HIVEP1: variants seen among roughly 807,000 people sequenced by gnomAD.
HIVEP1 encodes HIVEP zinc finger 1.
A neutral mutation model predicts 180.0 loss-of-function variants in HIVEP1; 36 were observed. The ratio of observed to expected loss-of-function variants is 0.20; its 90% CI spans 0.15 to 0.26. HIVEP1 has a LOEUF of 0.26. HIVEP1 is among the 10% of genes least tolerant of loss of function. HIVEP1 has a pLI of 1.00. For missense variants in HIVEP1, 3,143 were observed against 3,268.7 expected, an observed-to-expected ratio of 0.96 and a Z score of 0.94; for synonymous variants, 1,239 against 1,239.0, an observed-to-expected ratio of 1.00 and a Z score of 0.00.
rs1773300597 is a variant in HIVEP1 at position 12,089,227 on chromosome 6, T to C, written c.84T>C (p.Val28=). The change falls in exon 3 of 9, where the codon GTT becomes GTC. Residue 28 remains valine (V), a synonymous_variant. Coordinates refer to ENST00000379388, the MANE Select transcript of HIVEP1 (RefSeq NM_002114.4). ...EAQKELNGAE[V]SKKEILQAGV... is the part of the protein sequence containing the mutation. ...AAAAAGAACTTAATGGGGCAGAAGTTTCAAAAAAAGGTAAATTAAAATCAG... is the reference window on the plus strand; with the variant it reads ...AAAAAGAACTTAATGGGGCAGAAGTCTCAAAAAAAGGTAAATTAAAATCAG... 4 of 1,565,188 alleles carry C rather than the reference T, an allele frequency of 2.6e-6. No individual in the cohort carries two copies. The African/African-American group carries it at 5.4e-5, about 21-fold the overall frequency.
chr6:12,205,560 T>G, the HIVEP1 span, among the ~76,000 whole-genome samples: 1 of 152,136 alleles, frequency 6.6e-6, no homozygotes, highest in African/African-American at 2.4e-5. Flanking sequence ...GCAAGGCTAC[T>G]ATTTTGGAAT....
At chr6:12,179,077 G>A in the HIVEP1 span, among the ~76,000 whole-genome samples, 8 of 152,250 alleles carry the variant, frequency 5.3e-5, no homozygotes, top group South Asian at 6.2e-4. Context: ...CTATGTAAAA[G>A]CACAGGAAAA....
Position 12,124,204 on chromosome 6 carries a change from C to T in HIVEP1, c.4409C>T (p.Thr1470Ile). ...GTGCCATATCAGGGGCCTCAGCTCA[C>T]TAGTACATCTTTAGCTGAGTTTTCT... ...NAVPYQGPQL[T>I]STSLAEFSAN... The change falls in exon 4 of 9, where the codon ACT becomes ATT. Residue 1470 changes from threonine to isoleucine, a missense_variant. By Grantham distance (89) the Thr-to-Ile change is moderately conservative. Coordinates refer to ENST00000379388, the MANE Select transcript of HIVEP1 (RefSeq NM_002114.4). 4.3e-6 allele frequency: 7 copies of T among 1,613,874 alleles called. No individual in the cohort carries two copies. The highest frequency in any genetic ancestry group is 5.9e-6 in the Non-Finnish European group (7 of 1,179,768).
intron 2 of HIVEP1, among the ~76,000 whole-genome samples, chr6:12,061,421 C>G (rs1263138382): frequency 1.3e-5 from 2 of 152,100 alleles, no homozygotes; most frequent in Non-Finnish European, 2.9e-5. Context: ...AAACTGTAAC[C>G]AGAAATGACT....
chr6:12,191,378 C>A, the HIVEP1 span, among the ~76,000 whole-genome samples: 3 of 152,098 alleles, frequency 2.0e-5, no homozygotes, highest in Non-Finnish European at 4.4e-5. Flanking sequence ...TGGCTTGAGC[C>A]CAGGAGTTCA....
At chr6:12,203,836 G>A in the HIVEP1 span, among the ~76,000 whole-genome samples, 1 of 152,156 alleles carries the variant, frequency 6.6e-6, no homozygotes, top group Non-Finnish European at 1.5e-5. Context: ...CAGCACTTTG[G>A]GGGGCCAAGG....
At chr6:12,018,140 AC>A (rs891885372) in intron 2 of HIVEP1, among the ~76,000 whole-genome samples, 31 of 152,106 alleles carry the variant, frequency 2.0e-4, no homozygotes, top group Non-Finnish European at 4.3e-4. Flanking sequence ...GACCTGGCGC[AC>A]CCTTCGCGGC....
At chr6:12,187,934 A>G in the HIVEP1 span, among the ~76,000 whole-genome samples, 1 of 152,298 alleles carries the variant, frequency 6.6e-6, no homozygotes, top group East Asian at 1.9e-4. Flanking sequence ...ATTCCTTTAC[A>G]GCAGCACAAA....
intron 3 of HIVEP1, among the ~76,000 whole-genome samples, chr6:12,107,201 A>AT (rs892879885): frequency 3.3e-5 from 5 of 152,090 alleles, no homozygotes; most frequent in African/African-American, 9.7e-5. Context: ...GGTTACGTGA[A>AT]TTTTTTTTAT....
the HIVEP1 span, among the ~76,000 whole-genome samples, chr6:12,183,220 G>A: frequency 6.6e-6 from 1 of 152,096 alleles, no homozygotes; most frequent in Non-Finnish European, 1.5e-5. Flanking sequence ...TTGAAAAACA[G>A]GAAAACTTGA....
intron 3 of HIVEP1, among the ~76,000 whole-genome samples, chr6:12,092,383 G>A (rs189461695): frequency 2.6e-5 from 4 of 152,224 alleles, no homozygotes; most frequent in Non-Finnish European, 5.9e-5. Flanking sequence ...CACCCATGCC[G>A]TTGCACATAG....
At chr6:12,048,504 A>T (rs919992927) in intron 2 of HIVEP1, among the ~76,000 whole-genome samples, 1 of 152,180 alleles carries the variant, frequency 6.6e-6, no homozygotes, top group Non-Finnish European at 1.5e-5. Context: ...TACCTTTTTT[A>T]AAATTTATTT....
At chr6:12,076,341 CAAG>C (rs1478518703) in intron 2 of HIVEP1, among the ~76,000 whole-genome samples, 1 of 152,056 alleles carries the variant, frequency 6.6e-6, no homozygotes. Flanking sequence ...TAAAAACTCA[CAAG>C]AAAAAATAGT....
At chr6:12,088,002 C>A (rs1286672069) in intron 2 of HIVEP1, among the ~76,000 whole-genome samples, 1 of 152,156 alleles carries the variant, frequency 6.6e-6, no homozygotes, top group Non-Finnish European at 1.5e-5. Context: ...GTTCTGTTCT[C>A]CCACTTTGCC....
chr6:12,034,488 A>G (rs1371274679), intron 2 of HIVEP1, among the ~76,000 whole-genome samples: 1 of 152,224 alleles, frequency 6.6e-6, no homozygotes, highest in African/African-American at 2.4e-5. Flanking sequence ...TCTGGCATAC[A>G]TTGTAGCCTC....
rs1760421490 is a variant in HIVEP1 at position 12,161,796 on chromosome 6, C to T, written c.6845C>T (p.Ala2282Val). ...LSPGKARQRA[A>V]RDENDTIPSV... ...CCGGGGAAGGCCAGGCAGCGTGCTG[C>T]GAGAGATGAAAACGACACAATTCCG... Residue 2282 changes from alanine (A) to valine (V), a missense_variant, in exon 8 of 9, where the codon GCG becomes GTG. This residue lies in a region of HIVEP1 where 595 missense variants were observed against 602.2 expected (regional missense o/e 0.99). Transcript: ENST00000379388. 4 of 1,614,142 alleles carry T rather than the reference C, an allele frequency of 2.5e-6. No individual in the cohort carries two copies. Among genetic ancestry groups the T allele is most frequent in the African/African-American group, 1.3e-5 (1 of 75,046 alleles).
At chr6:12,031,667 A>G (rs1768948185) in intron 2 of HIVEP1, among the ~76,000 whole-genome samples, 1 of 152,186 alleles carries the variant, frequency 6.6e-6, no homozygotes. Context: ...CCCCGGGCAA[A>G]AAATGCCAAT....
chr6:12,185,125 C>G, the HIVEP1 span, among the ~76,000 whole-genome samples: 2 of 152,204 alleles, frequency 1.3e-5, no homozygotes, highest in Admixed American at 1.3e-4. Flanking sequence ...TGTTTTCAGA[C>G]ATTGGACAAC....
At chr6:12,097,384 G>A (rs953721326) in intron 3 of HIVEP1, among the ~76,000 whole-genome samples, 1 of 150,908 alleles carries the variant, frequency 6.6e-6, no homozygotes, top group South Asian at 2.1e-4. Flanking sequence ...GAGCCCGCAA[G>A]CTTTAACCCA....
Sources: gnomAD v4.1 joint callset for allele counts (sites outside exome capture counted in the v4.1 genomes callset) on GRCh38, gnomAD v4.1.1 for gene constraint, gnomAD v4.1.1 regional missense constraint, MANE v1.5 for transcripts, NCBI Gene and HGNC (gene_info 2026-07-23, HGNC 2026-07-21) for gene names.